KAZN: variants seen among roughly 807,000 people sequenced by gnomAD.
The protein encoded by KAZN is kazrin.
Under a neutral mutation model 87.4 loss-of-function variants are expected in KAZN, and 40 were observed. That is an observed-to-expected ratio of 0.46 (90% CI 0.36 to 0.60). The LOEUF (loss-of-function observed/expected upper bound fraction) is 0.60, where lower values mean the gene tolerates loss of function less well. Ranked by LOEUF, KAZN falls within the 20% of genes least tolerant of loss-of-function variation. The pLI is 0.00. For missense variants in KAZN, 898 were observed against 1,073.9 expected (o/e 0.84, Z 2.29); for synonymous variants, 466 against 458.3 (o/e 1.02, Z -0.22).
intron 2 of KAZN, among the ~76,000 whole-genome samples, chr1:14,569,574 G>A (rs969107837): frequency 1.3e-5 from 2 of 150,694 alleles, no homozygotes; most frequent in Non-Finnish European, 1.5e-5. Flanking sequence ...TGCCCGCCTC[G>A]GCCTCCCAAA....
chr1:14,483,974 C>T (rs534148312), intron 2 of KAZN, among the ~76,000 whole-genome samples: 21 of 152,086 alleles, frequency 1.4e-4, no homozygotes, highest in Admixed American at 2.0e-4. Context: ...TTGATTCTCC[C>T]GCATGTGGAT....
chr1:14,776,021 T>C (rs1430486059), intron 1 of KAZN, among the ~76,000 whole-genome samples: 1 of 152,220 alleles, frequency 6.6e-6, no homozygotes, highest in Non-Finnish European at 1.5e-5. Flanking sequence ...TTTTATTTTA[T>C]TTTTCTGAGA....
At chr1:14,162,900 G>T (rs1645741119) in intron 1 of KAZN, among the ~76,000 whole-genome samples, 1 of 151,888 alleles carries the variant, frequency 6.6e-6, no homozygotes, top group East Asian at 1.9e-4. Context: ...TTTTTGCCTA[G>T]GAACCATTTC....
At chr1:13,948,968 C>T (rs1236395601) in intron 1 of KAZN, among the ~76,000 whole-genome samples, 2 of 152,154 alleles carry the variant, frequency 1.3e-5, no homozygotes, top group Non-Finnish European at 2.9e-5. Context: ...ATGCATGACT[C>T]AGATGTCCCA....
At chr1:14,084,669 C>T (rs539286088) in intron 1 of KAZN, among the ~76,000 whole-genome samples, 144 of 143,892 alleles carry the variant, frequency 1.0e-3, no homozygotes, top group African/African-American at 3.7e-3. Flanking sequence ...ACCTAATTGG[C>T]CATCTTATAT....
At chr1:14,808,296 T>C (rs1467650645) in intron 1 of KAZN, among the ~76,000 whole-genome samples, 1 of 123,922 alleles carries the variant, frequency 8.1e-6, no homozygotes, top group East Asian at 7.8e-4. Context: ...GTTTCTTTTT[T>C]TTTTTTTTTT....
intron 1 of KAZN, among the ~76,000 whole-genome samples, chr1:14,737,459 G>T (rs528531276): frequency 2.0e-5 from 3 of 152,318 alleles, no homozygotes; most frequent in African/African-American, 7.2e-5. Context: ...AAACCACAAG[G>T]CTCTAAGGGG....
chr1:14,392,807 A>G (rs1460522921), intron 2 of KAZN, among the ~76,000 whole-genome samples: 1 of 152,174 alleles, frequency 6.6e-6, no homozygotes, highest in African/African-American at 2.4e-5. Context: ...GCCCAGTGGA[A>G]TCAAGAGTCC....
intron 1 of KAZN, among the ~76,000 whole-genome samples, chr1:14,673,717 T>C (rs1262551806): frequency 2.0e-5 from 3 of 152,190 alleles, no homozygotes; most frequent in Admixed American, 2.0e-4. Context: ...GGAATTGACG[T>C]AGTTTAACAT....
chr1:14,155,034 G>A (rs1411983430), intron 1 of KAZN, among the ~76,000 whole-genome samples: 1 of 138,408 alleles, frequency 7.2e-6, no homozygotes, highest in Non-Finnish European at 1.5e-5. Flanking sequence ...GAACATCGAG[G>A]TGATACTGGC....
intron 2 of KAZN, among the ~76,000 whole-genome samples, chr1:14,226,088 A>G (rs1647274505): frequency 6.6e-6 from 1 of 152,072 alleles, no homozygotes; most frequent in Non-Finnish European, 1.5e-5. Flanking sequence ...AAAACAAACA[A>G]AAAACCACCC....
rs942214290 is a variant in KAZN, at chr1:14,039,149, G to A, written c.92-141286G>A. Among the ~76,000 whole-genome samples, 8 of 146,196 alleles carry A rather than the reference G, an allele frequency of 5.5e-5. No homozygotes were observed. The East Asian group carries it at 1.2e-3, about 22-fold the overall frequency. The stretch of plus-strand genomic sequence containing the variant: ...TCGTGCCACTGCACTCCAGCCTGGC[G>A]TCAGAGTGAGACTCTGTCTCAAAAA... On this transcript the variant is annotated intron_variant, in intron 1 of 16. Transcript: ENST00000636203.
intron 2 of KAZN, among the ~76,000 whole-genome samples, chr1:14,989,794 C>G (rs775080219): frequency 5.3e-5 from 8 of 152,208 alleles, no homozygotes; most frequent in Non-Finnish European, 1.2e-4. Context: ...TCCCTTGCTA[C>G]CTGGTCTGTA....
At chr1:14,822,915 G>C (rs577796559) in intron 1 of KAZN, among the ~76,000 whole-genome samples, 1 of 152,162 alleles carries the variant, frequency 6.6e-6, no homozygotes, top group Non-Finnish European at 1.5e-5. Flanking sequence ...GCCCTGGCCC[G>C]TGCCGCTTTG....
intron 2 of KAZN, among the ~76,000 whole-genome samples, chr1:14,274,698 A>G (rs1384162100): frequency 1.3e-5 from 2 of 152,198 alleles, no homozygotes; most frequent in Non-Finnish European, 2.9e-5. Flanking sequence ...GCTCTGCCAC[A>G]TATTAGCTGT....
intron 1 of KAZN, among the ~76,000 whole-genome samples, chr1:13,939,089 C>A (rs1640843728): frequency 6.6e-6 from 1 of 152,256 alleles, no homozygotes; most frequent in African/African-American, 2.4e-5. Context: ...CAGCACCTAG[C>A]TCTTTTTTAG....
At chr1:14,466,917 C>T (rs560906822) in intron 2 of KAZN, among the ~76,000 whole-genome samples, 1 of 152,004 alleles carries the variant, frequency 6.6e-6, no homozygotes, top group Non-Finnish European at 1.5e-5. Flanking sequence ...TGCAGTGAGC[C>T]GAGATCGCGC....
At chr1:14,725,357 GT>G (rs1025476162) in intron 1 of KAZN, among the ~76,000 whole-genome samples, 5 of 151,804 alleles carry the variant, frequency 3.3e-5, no homozygotes, top group African/African-American at 1.2e-4. Context: ...CCTCTCCTTT[GT>G]GACATTTACC....
rs184548167 is a variant in KAZN, at chr1:14,852,002, T to C, written c.227-108682T>C. On this transcript the variant is annotated intron_variant, in intron 1 of 14. Transcript: ENST00000376030. ...CGCCTGGACTTTGGAACAAGCCAAA[T>C]GAAGTCATATCTCAGCTCCTCCCAT... Among the ~76,000 whole-genome samples, 5 of 152,286 alleles carry C rather than the reference T, an allele frequency of 3.3e-5. No homozygotes were observed. In the East Asian group the frequency reaches 9.7e-4, roughly 29 times the overall value.
Sources: gnomAD v4.1 joint callset for allele counts (sites outside exome capture counted in the v4.1 genomes callset) on GRCh38, gnomAD v4.1.1 for gene constraint, MANE v1.5 for transcripts, NCBI Gene and HGNC (gene_info 2026-07-23, HGNC 2026-07-21) for gene names.